The following PDE9A variants were observed in gnomAD, a reference collection of about 807,000 sequenced individuals.
PDE9A encodes the protein high affinity cGMP-specific 3',5'-cyclic phosphodiesterase 9A.
Under a neutral mutation model 87.4 loss-of-function variants are expected in PDE9A, and 60 were observed. The ratio of observed to expected loss-of-function variants is 0.69; its 90% CI spans 0.56 to 0.85. The LOEUF (loss-of-function observed/expected upper bound fraction) is 0.85, where lower values mean the gene tolerates loss of function less well. Among genes scored for constraint, PDE9A ranks in the 40% least tolerant of loss-of-function variants. PDE9A has a pLI of 0.00. For synonymous variants in PDE9A, 272 were observed against 279.4 expected (o/e 0.97, Z 0.27); for missense variants, 665 against 779.0 (o/e 0.85, Z 1.74).
chr21:42,685,555 C>G (rs1371516679), intron 1 of PDE9A, among the ~76,000 whole-genome samples: 1 of 147,456 alleles, frequency 6.8e-6, no homozygotes, highest in African/African-American at 2.6e-5. Flanking sequence ...CAACCTCCGT[C>G]TCCCTGGCTC....
intron 7 of PDE9A, among the ~76,000 whole-genome samples, chr21:42,736,103 G>A (rs929664290): frequency 1.3e-5 from 2 of 152,012 alleles, no homozygotes; most frequent in African/African-American, 4.8e-5. Context: ...CAGCACCTGG[G>A]TTTTTCCTCA....
intron 15 of PDE9A, among the ~76,000 whole-genome samples, chr21:42,767,125 T>G (rs1365320319): frequency 6.6e-6 from 1 of 151,458 alleles, no homozygotes; most frequent in Non-Finnish European, 1.5e-5. Flanking sequence ...GACGGGGCTT[T>G]ATGAACACGG....
Position 42,765,491 on chromosome 21 carries a change from C to T in PDE9A, c.1353C>T (p.Thr451=). 6.3e-7 allele frequency: 1 copy of T among 1,579,660 alleles called. No individual in the cohort carries two copies. The highest frequency in any genetic ancestry group is 8.7e-7 in the Non-Finnish European group (1 of 1,149,250). Residue 451 remains threonine (T), a synonymous_variant, in exon 15 of 20, where the codon ACC becomes ACT. Transcript: ENST00000291539. ...NFDYSNEEHM[T]LLKMILIKCC... is the part of the protein sequence containing the mutation. ...ACTACAGCAACGAGGAGCACATGAC[C>T]CTGGTGAGTGGCTTATTCTGCCTGG...
intron 4 of PDE9A, among the ~76,000 whole-genome samples, chr21:42,715,449 A>AGC: frequency 6.8e-6 from 1 of 147,510 alleles, no homozygotes; most frequent in South Asian, 2.3e-4. Context: ...CAACATGGTG[A>AGC]AACCCTGTCT....
Position 42,723,319 on chromosome 21 carries a change from G to A in PDE9A, c.263-8451G>A, listed in dbSNP as rs2050720153. ...ACAAACCTAAAGTCTCCTATGACATGCAAACAATTCTGCCAGCCCCGGCCA... is the reference window on the plus strand; with the variant it reads ...ACAAACCTAAAGTCTCCTATGACATACAAACAATTCTGCCAGCCCCGGCCA... On this transcript the variant is annotated intron_variant, in intron 4 of 19. Transcript: ENST00000291539. The surrounding 1 kb of genome is among the most constrained non-coding windows in gnomAD (Gnocchi z 4.3). 6.6e-6 allele frequency among the ~76,000 whole-genome samples: 1 copy of A among 152,234 alleles called. No homozygotes were observed. Among genetic ancestry groups the A allele is most frequent in the African/African-American group, 2.4e-5 (1 of 41,466 alleles).
Position 42,731,889 on chromosome 21 carries a change from G to C in PDE9A, c.382G>C (p.Val128Leu). Residue 128 changes from valine (V) to leucine (L), a missense_variant, in exon 5 of 20, where the codon GTA becomes CTA. Coordinates refer to ENST00000291539, the MANE Select transcript of PDE9A (RefSeq NM_002606.3). ...GGAAGGAGCATTTGAAAGTGGACAG[G>C]TAGAGCCCAGGCCCAGAGAGCCCCA... is the stretch of plus-strand genomic sequence containing the variant. The part of the protein sequence containing the change: ...RREGAFESGQ[V>L]EPRPREPQGC... The C allele has an allele frequency of 6.2e-7, 1 of 1,614,172 alleles. No individual in the cohort carries two copies. The highest frequency in any genetic ancestry group is 8.5e-7 in the Non-Finnish European group (1 of 1,180,006).
In PDE9A at chr21:42,727,528, C is replaced by T. The variant is rs572369419; in HGVS notation, c.263-4242C>T. ...TTTTTTTTTTTGTAGAGATGGAGAT[C>T]TCTCTTTGTTCCCCAGGCTGGTCTC... is the stretch of plus-strand genomic sequence containing the variant. On this transcript the variant is annotated intron_variant, in intron 4 of 19. Coordinates refer to ENST00000291539, the MANE Select transcript of PDE9A (RefSeq NM_002606.3). Among the ~76,000 whole-genome samples, 9 of 110,478 alleles carry T rather than the reference C, an allele frequency of 8.1e-5. No homozygotes were observed. In the East Asian group the frequency reaches 1.9e-3, roughly 23 times the overall value. 72.5% of individuals were successfully genotyped at this position (110,478 alleles called of 152,430 possible).
At chr21:42,720,962 G>A (rs952556293) in intron 4 of PDE9A, among the ~76,000 whole-genome samples, 1 of 151,726 alleles carries the variant, frequency 6.6e-6, no homozygotes, top group Non-Finnish European at 1.5e-5. Context: ...CTGAGATTTC[G>A]CCATTGCATT....
chr21:42,660,625 T>TA lies in PDE9A; in HGVS notation c.69+6757dup, dbSNP rs11292693. Among the ~76,000 whole-genome samples, 734 of 139,008 alleles carry TA rather than the reference T, an allele frequency of 5.3e-3. 2 individuals are homozygous for TA. Among genetic ancestry groups the TA allele is most frequent in the East Asian group, 7.8e-3 (38 of 4,876 alleles). The allele number at this position is 139,008 out of a possible 152,430, so 91.2% of individuals were successfully genotyped here. ...CCCCTTCCCCAAACACTATTGGAAT[T>TA]AAAAAAAAAAAAAAAGATTAAAATG... On this transcript the variant is annotated intron_variant, in intron 1 of 19. Coordinates refer to ENST00000291539, the MANE Select transcript of PDE9A (RefSeq NM_002606.3). This position sits in a 1 kb window ranked among gnomAD's most constrained non-coding sequence, Gnocchi z 4.7.
chr21:42,703,627 G>A (rs2048567238), intron 4 of PDE9A, among the ~76,000 whole-genome samples: 1 of 152,216 alleles, frequency 6.6e-6, no homozygotes, highest in African/African-American at 2.4e-5. Context: ...ATGGAGTTGG[G>A]CTCATTGAGG....
At position 42,725,814 on chromosome 21, in the gene PDE9A, C is replaced by G. The variant is rs995601576; in HGVS notation, c.263-5956C>G. On this transcript the variant is annotated intron_variant, in intron 4 of 19. Coordinates refer to ENST00000291539, the MANE Select transcript of PDE9A (RefSeq NM_002606.3). The stretch of plus-strand genomic sequence containing the variant: ...CATCCGCCAGGAACATGTGGACAGG[C>G]CTTTGTGTGAACATCAGTTCTCCGC... Among the ~76,000 whole-genome samples, 3 of 152,178 alleles carry G rather than the reference C, an allele frequency of 2.0e-5. No homozygotes were observed. In the East Asian group the frequency reaches 5.8e-4, roughly 29 times the overall value.
intron 3 of PDE9A, 96 bp from the exon 4 acceptor site, chr21:42,698,872 G>A (rs1379204794): frequency 2.0e-5 from 14 of 696,526 alleles, no homozygotes; most frequent in South Asian, 8.3e-5. Context: ...CACCTAATCC[G>A]CTGATTTCTA....
At chr21:42,745,130 T>G (rs1348795432) in intron 8 of PDE9A, among the ~76,000 whole-genome samples, 2 of 152,208 alleles carry the variant, frequency 1.3e-5, no homozygotes, top group Non-Finnish European at 2.9e-5. Flanking sequence ...ATCTGCTTAT[T>G]GAGGAAGCGT....
rs1490840103 is a variant in PDE9A, at chr21:42,733,912, G to C, written c.568+486G>C. ...CGCAATGTTGGAGGTGGGGCTGGTG[G>C]GAGGTGTTTGGGTCACCAGGCAGAT... is the stretch of plus-strand genomic sequence containing the variant. On this transcript the variant is annotated intron_variant, in intron 7 of 19. Coordinates refer to ENST00000291539, the MANE Select transcript of PDE9A (RefSeq NM_002606.3). The C allele has an allele frequency of 1.9e-5, 3 of 158,742 alleles. No homozygotes were observed. In the East Asian group the frequency reaches 5.4e-4, roughly 29 times the overall value. The allele number at this position is 158,742 out of a possible 1,614,324, so 9.8% of individuals were successfully genotyped here.
rs1203041666 is a variant in PDE9A at position 42,739,692 on chromosome 21, A to G, written c.569-4084A>G. ...GAGGCTTAATTTTAACATCACCTCA[A>G]TAGGTAGCCAGGGAAGCGGATCTCG... On this transcript the variant is annotated intron_variant, in intron 7 of 19. Coordinates refer to ENST00000291539, the MANE Select transcript of PDE9A (RefSeq NM_002606.3). This position sits in a 1 kb window ranked among gnomAD's most constrained non-coding sequence, Gnocchi z 4.1. Among the ~76,000 whole-genome samples, 7 of 151,756 alleles carry G rather than the reference A, an allele frequency of 4.6e-5. No individual in the cohort carries two copies. Among genetic ancestry groups the G allele is most frequent in the Non-Finnish European group, 8.8e-5 (6 of 67,946 alleles).
chr21:42,775,174 T>C, intron 19 of PDE9A, 106 bp from the exon 20 acceptor site: 1 of 1,043,898 alleles, frequency 9.6e-7, no homozygotes, highest in East Asian at 2.5e-5. Flanking sequence ...ACTCCTGACC[T>C]CGTGATCCAC....
intron 1 of PDE9A, among the ~76,000 whole-genome samples, chr21:42,668,606 C>G (rs987717702): frequency 1.3e-5 from 2 of 152,262 alleles, no homozygotes; most frequent in Middle Eastern, 3.4e-3. Flanking sequence ...TTATTTATAA[C>G]AGTGGAGATT....
At chr21:42,679,237 G>A (rs1053334993) in intron 1 of PDE9A, among the ~76,000 whole-genome samples, 1 of 152,180 alleles carries the variant, frequency 6.6e-6, no homozygotes, top group African/African-American at 2.4e-5. Flanking sequence ...GGCTGCTGCT[G>A]GCATCGAGTC....
At chr21:42,693,016 T>A (rs1312905178) in intron 3 of PDE9A, among the ~76,000 whole-genome samples, 1 of 152,220 alleles carries the variant, frequency 6.6e-6, no homozygotes, top group East Asian at 1.9e-4. Context: ...GCTGTGACTA[T>A]GGTGCTGCGT....
Sources: allele counts gnomAD v4.1 joint callset (sites outside exome capture counted in the v4.1 genomes callset), GRCh38; gene constraint gnomAD v4.1.1; non-coding constraint Gnocchi (gnomAD v3.1); transcripts MANE v1.5; gene names NCBI Gene and HGNC (gene_info 2026-07-23, HGNC 2026-07-21).